Variants in NPTXR observed in about 807,000 individuals in gnomAD.
NPTXR encodes the protein neuronal pentraxin receptor.
Under a neutral mutation model 32.2 loss-of-function variants are expected in NPTXR, and 12 were observed. The ratio of observed to expected loss-of-function variants is 0.37; its 90% CI spans 0.24 to 0.60. The LOEUF is 0.60. Among genes scored for constraint, NPTXR ranks in the 20% least tolerant of loss-of-function variants. NPTXR has a pLI of 0.66. For missense variants in NPTXR, 612 were observed against 682.9 expected, an observed-to-expected ratio of 0.90 and a Z score of 1.16; for synonymous variants, 323 against 315.8, an observed-to-expected ratio of 1.02 and a Z score of -0.24.
At position 38,836,153 on chromosome 22, in the gene NPTXR, G is replaced by A. The variant is rs548309987; in HGVS notation, c.624+7082C>T. On this transcript the variant is annotated intron_variant, in intron 1 of 4. Coordinates refer to ENST00000333039, the MANE Select transcript of NPTXR (RefSeq NM_014293.4). ...TTAAAATGACCATACCGAGTTTGGCGAGGTTTACACGCGGGCGGGCTTGTA... is the reference window on the plus strand; with the variant it reads ...TTAAAATGACCATACCGAGTTTGGCAAGGTTTACACGCGGGCGGGCTTGTA... Among the ~76,000 whole-genome samples, 98 of 152,188 alleles carry A rather than the reference G, an allele frequency of 6.4e-4. 1 individual carries two copies. The highest frequency in any genetic ancestry group is 3.4e-3 in the Middle Eastern group (1 of 294).
chr22:38,832,475 C>T lies in NPTXR; in HGVS notation c.625-3963G>A, dbSNP rs148855931. Among the ~76,000 whole-genome samples, 696 of 152,314 alleles carry T rather than the reference C, an allele frequency of 4.6e-3. 5 individuals are homozygous for T. The highest frequency in any genetic ancestry group is 0.016 in the African/African-American group (668 of 41,566). ...GTGTGCTGGGCCTAGAGCCAGAGCC[C>T]CTTGTTCTAGGCCTGGCTCAGCCAT... On this transcript the variant is annotated intron_variant, in intron 1 of 4. Transcript: ENST00000333039.
intron 1 of NPTXR, 38 bp from the exon 2 acceptor site, chr22:38,828,550 G>A: frequency 6.6e-7 from 1 of 1,503,870 alleles, no homozygotes; most frequent in Non-Finnish European, 9.0e-7. Flanking sequence ...CAACTGAGGG[G>A]AGGAAGGACA....
Position 38,837,502 on chromosome 22 carries a change from C to T in NPTXR, c.624+5733G>A, listed in dbSNP as rs569951944. ...GTCAGAGAAAAACAAAGACAACCAA[C>T]GGAATTTAGAGAAGACACCAAGAGA... On this transcript the variant is annotated intron_variant, in intron 1 of 4. Transcript: ENST00000333039. Among the ~76,000 whole-genome samples the T allele has an allele frequency of 7.2e-5, 11 of 152,342 alleles. No homozygotes were observed. The East Asian group carries it at 1.3e-3, about 19-fold the overall frequency.
At chr22:38,839,593 C>T (rs577417047) in intron 1 of NPTXR, among the ~76,000 whole-genome samples, 2 of 151,912 alleles carry the variant, frequency 1.3e-5, no homozygotes, top group Non-Finnish European at 2.9e-5. Context: ...TGCAATGAGC[C>T]AAGATTGCGC....
chr22:38,829,347 A>C (rs2093112581), intron 1 of NPTXR, among the ~76,000 whole-genome samples: 1 of 152,080 alleles, frequency 6.6e-6, no homozygotes, highest in Non-Finnish European at 1.5e-5. Flanking sequence ...TGCCTGTCTT[A>C]TCTTAAGACC....
At chr22:38,837,057 G>A (rs540294751) in intron 1 of NPTXR, among the ~76,000 whole-genome samples, 41 of 152,162 alleles carry the variant, frequency 2.7e-4, no homozygotes, top group Non-Finnish European at 5.0e-4. Flanking sequence ...CTCGTGATAC[G>A]CCCACCTCAG....
chr22:38,839,147 C>T (rs1435554381), intron 1 of NPTXR, among the ~76,000 whole-genome samples: 4 of 152,204 alleles, frequency 2.6e-5, no homozygotes, highest in African/African-American at 9.7e-5. Flanking sequence ...GCTCCCACTC[C>T]AGGATGGGAG....
intron 1 of NPTXR, among the ~76,000 whole-genome samples, chr22:38,840,739 G>A (rs1385143114): frequency 2.0e-5 from 3 of 152,244 alleles, no homozygotes; most frequent in Non-Finnish European, 1.5e-5. Context: ...GGGCCCCTCC[G>A]TGGAATGGGT....
Position 38,828,307 on chromosome 22 carries a change from C to T in NPTXR, c.830G>A (p.Arg277His), listed in dbSNP as rs181616480. 113 of 1,613,478 alleles carry T rather than the reference C, an allele frequency of 7.0e-5. No homozygotes were observed. In the South Asian group the frequency reaches 7.2e-4, roughly 10 times the overall value. ...CCCACCGTGCTCCAGCTCAGCCACA[C>T]GACCCTGCAGGACGTCCAACTCCTT... The change falls in exon 2 of 5, where the codon CGT becomes CAT. Residue 277 changes from arginine to histidine, a missense_variant. Coordinates refer to ENST00000333039, the MANE Select transcript of NPTXR (RefSeq NM_014293.4).
At chr22:38,835,687 A>C (rs1031691768) in intron 1 of NPTXR, among the ~76,000 whole-genome samples, 3 of 152,106 alleles carry the variant, frequency 2.0e-5, no homozygotes, top group Non-Finnish European at 4.4e-5. Flanking sequence ...CCGGGCCCCC[A>C]AAATCCTCAG....
chr22:38,838,290 T>C (rs1010813870), intron 1 of NPTXR, among the ~76,000 whole-genome samples: 7 of 152,216 alleles, frequency 4.6e-5, no homozygotes, highest in African/African-American at 1.7e-4. Context: ...TGTCCTTCAC[T>C]GTCTCTGAGC....
Position 38,828,305 on chromosome 22 carries a change from C to T in NPTXR, c.832G>A (p.Val278Met). 6.2e-7 allele frequency: 1 copy of T among 1,613,532 alleles called. No individual in the cohort carries two copies. The highest frequency in any genetic ancestry group is 8.5e-7 in the Non-Finnish European group (1 of 1,180,006). The stretch of plus-strand genomic sequence containing the variant: ...GACCCACCGTGCTCCAGCTCAGCCA[C>T]ACGACCCTGCAGGACGTCCAACTCC... The change falls in exon 2 of 5, where the codon GTG (valine) becomes ATG (methionine). Residue 278 changes from valine (V) to methionine (M), a missense_variant. Transcript: ENST00000333039.
intron 1 of NPTXR, among the ~76,000 whole-genome samples, chr22:38,836,198 G>A (rs2093123742): frequency 6.6e-6 from 1 of 152,140 alleles, no homozygotes; most frequent in Admixed American, 6.5e-5. Context: ...AGCTACTGTG[G>A]GGAAATGTTT....
chr22:38,822,835 TG>T lies in NPTXR; in HGVS notation c.1279-3del. The T allele has an allele frequency of 6.2e-7, 1 of 1,613,002 alleles. No individual in the cohort carries two copies. Among genetic ancestry groups the T allele is most frequent in the Non-Finnish European group, 8.5e-7 (1 of 1,179,384 alleles). ...ATCAAACCGGCCACCCAGGGTATCC[TG>T]GGCCAAGACAGCAGCAGAGAAAGGA... On this transcript the variant is annotated splice_region_variant and splice_polypyrimidine_tract_variant and intron_variant, in intron 4 of 4. Transcript: ENST00000333039.
Position 38,820,378 on chromosome 22 carries a change from G to A in NPTXR, c.*2231C>T, listed in dbSNP as rs2093094846. ...TAGCTTCCATGGCACTGAGCCCCCC[G>A]GCCTGCAGCTCTTGCATCATGTCTC... On this transcript the variant is annotated 3_prime_UTR_variant, in exon 5 of 5. Transcript: ENST00000333039. The A allele has an allele frequency of 6.6e-6, 1 of 152,566 alleles. No homozygotes were observed. The highest frequency in any genetic ancestry group is 6.5e-5 in the Admixed American group (1 of 15,270). 9.5% of individuals were successfully genotyped at this position (152,566 alleles called of 1,614,324 possible).
chr22:38,823,745 C>A (rs2093101963), intron 3 of NPTXR, among the ~76,000 whole-genome samples: 1 of 152,204 alleles, frequency 6.6e-6, no homozygotes, highest in Non-Finnish European at 1.5e-5. Context: ...GTTTCCTTAT[C>A]TGTAAAGTGA....
At chr22:38,829,287 C>A (rs2093112430) in intron 1 of NPTXR, among the ~76,000 whole-genome samples, 1 of 152,104 alleles carries the variant, frequency 6.6e-6, no homozygotes, top group African/African-American at 2.4e-5. Flanking sequence ...GCTCTGACAT[C>A]CCCCATCCAG....
At chr22:38,839,041 C>T (rs1568987411) in intron 1 of NPTXR, among the ~76,000 whole-genome samples, 1 of 152,126 alleles carries the variant, frequency 6.6e-6, no homozygotes, top group Non-Finnish European at 1.5e-5. Flanking sequence ...TTCTTTGTAC[C>T]TCCCTCACAG....
intron 3 of NPTXR, among the ~76,000 whole-genome samples, chr22:38,825,192 G>A (rs1451438570): frequency 6.6e-6 from 1 of 152,206 alleles, no homozygotes; most frequent in South Asian, 2.1e-4. Context: ...CCAGGCTGAA[G>A]GAGGGGCATC....
Sources: gnomAD v4.1 joint callset for allele counts (sites outside exome capture counted in the v4.1 genomes callset) on GRCh38, gnomAD v4.1.1 for gene constraint, MANE v1.5 for transcripts, NCBI Gene and HGNC (gene_info 2026-07-23, HGNC 2026-07-21) for gene names.